The following AGMO variants were observed in gnomAD, a reference collection of about 807,000 sequenced individuals.
The protein encoded by AGMO is glyceryl-ether monooxygenase.
In AGMO, 75 loss-of-function variants were observed where a neutral mutation model predicts 60.2. The ratio of observed to expected loss-of-function variants is 1.25; its 90% confidence interval spans 1.03 to 1.51. The LOEUF is 1.51. AGMO is among the 40% of genes most tolerant of loss of function. AGMO has a pLI of 0.00. For missense variants in AGMO, 763 were observed against 525.5 expected, an observed-to-expected ratio of 1.45 and a Z score of -4.42; for synonymous variants, 261 against 177.1, an observed-to-expected ratio of 1.47 and a Z score of -3.76.
intron 3 of AGMO, among the ~76,000 whole-genome samples, chr7:15,500,729 G>C (rs1783360920): frequency 6.6e-6 from 1 of 151,832 alleles, no homozygotes; most frequent in Non-Finnish European, 1.5e-5. Flanking sequence ...TCTTCTGATA[G>C]CTTTGGGGTT....
chr7:15,358,238 T>C (rs1782617690), intron 12 of AGMO: 2 of 239,646 alleles, frequency 8.3e-6, no homozygotes, highest in South Asian at 4.6e-5. Flanking sequence ...TTAATATTTA[T>C]TGAATAGATC....
chr7:15,531,507 T>C (rs1583656040), intron 3 of AGMO, among the ~76,000 whole-genome samples: 1 of 76,142 alleles, frequency 1.3e-5, no homozygotes, highest in Non-Finnish European at 2.3e-5. Flanking sequence ...ATTCTATATA[T>C]ATTCTCTATA....
chr7:15,336,801 A>G (rs1399725115), intron 12 of AGMO, among the ~76,000 whole-genome samples: 1 of 152,216 alleles, frequency 6.6e-6, no homozygotes, highest in African/African-American at 2.4e-5. Flanking sequence ...GCATTTATTA[A>G]GTAATTACTT....
At chr7:15,535,332 G>T (rs1281664341) in intron 3 of AGMO, among the ~76,000 whole-genome samples, 1 of 151,782 alleles carries the variant, frequency 6.6e-6, no homozygotes, top group Non-Finnish European at 1.5e-5. Context: ...GAATGGGGGG[G>T]CATACTCTTT....
chr7:15,304,621 T>A (rs955305776), intron 12 of AGMO, among the ~76,000 whole-genome samples: 17 of 152,060 alleles, frequency 1.1e-4, no homozygotes, highest in Admixed American at 9.9e-4. Context: ...AGTCAAGGGT[T>A]CGGTTTATCT....
At chr7:15,431,748 C>T (rs1204000745) in intron 3 of AGMO, among the ~76,000 whole-genome samples, 1 of 151,748 alleles carries the variant, frequency 6.6e-6, no homozygotes, top group Non-Finnish European at 1.5e-5. Context: ...CTAAATTTTT[C>T]CACATAGTTT....
chr7:15,244,374 G>T (rs987817159), intron 12 of AGMO, among the ~76,000 whole-genome samples: 1 of 152,170 alleles, frequency 6.6e-6, no homozygotes, highest in East Asian at 1.9e-4. Context: ...CTCTAAAAAA[G>T]AGGCTATAGA....
chr7:15,444,247 T>A (rs529635823), intron 3 of AGMO, among the ~76,000 whole-genome samples: 1 of 152,306 alleles, frequency 6.6e-6, no homozygotes, highest in South Asian at 2.1e-4. Flanking sequence ...TACATGTATT[T>A]TTGTTAGCAA....
chr7:15,484,964 G>A (rs935979567), intron 3 of AGMO, among the ~76,000 whole-genome samples: 9 of 152,162 alleles, frequency 5.9e-5, no homozygotes, highest in African/African-American at 1.9e-4. Context: ...GGTTGAGTAG[G>A]AAGAAGTAAA....
At chr7:15,175,232 T>G in the AGMO span, among the ~76,000 whole-genome samples, 1 of 152,086 alleles carries the variant, frequency 6.6e-6, no homozygotes, top group East Asian at 1.9e-4. Context: ...TATCAATATA[T>G]TCTTCCATTT....
intron 3 of AGMO, among the ~76,000 whole-genome samples, chr7:15,494,666 A>G (rs983483345): frequency 6.6e-6 from 1 of 152,228 alleles, no homozygotes; most frequent in Non-Finnish European, 1.5e-5. Flanking sequence ...TTTGATAGTT[A>G]TGTCAATAAA....
chr7:15,309,851 A>C (rs1034584888), intron 12 of AGMO, among the ~76,000 whole-genome samples: 3 of 152,168 alleles, frequency 2.0e-5, no homozygotes, highest in African/African-American at 7.2e-5. Flanking sequence ...ATCTTTAATA[A>C]ATATGTTATC....
chr7:15,180,494 G>A, the AGMO span, among the ~76,000 whole-genome samples: 1 of 152,122 alleles, frequency 6.6e-6, no homozygotes, highest in African/African-American at 2.4e-5. Context: ...CTGGTGAGGT[G>A]TGAGACCTCA....
intron 12 of AGMO, among the ~76,000 whole-genome samples, chr7:15,355,046 CTAA>C (rs1173001183): frequency 6.6e-6 from 1 of 151,984 alleles, no homozygotes; most frequent in Non-Finnish European, 1.5e-5. Context: ...CCTGCACTCA[CTAA>C]CATAGTACCA....
chr7:15,314,044 C>T (rs983524154), intron 12 of AGMO, among the ~76,000 whole-genome samples: 3 of 152,002 alleles, frequency 2.0e-5, no homozygotes, highest in South Asian at 2.1e-4. Context: ...AGCTGCTTTC[C>T]GGTGATCCTG....
chr7:15,452,298 A>G (rs1428909167), intron 3 of AGMO, among the ~76,000 whole-genome samples: 4 of 152,172 alleles, frequency 2.6e-5, no homozygotes, highest in Non-Finnish European at 4.4e-5. Flanking sequence ...TTGAAAAAAC[A>G]ATCCACAGAA....
intron 12 of AGMO, among the ~76,000 whole-genome samples, chr7:15,255,835 T>C (rs10227108): frequency 0.031 from 4,785 of 152,232 alleles, 241 homozygotes; most frequent in African/African-American, 0.11. Context: ...AGGTGAATGT[T>C]TGAAATTGGC....
rs77443409 is a variant in AGMO, at chr7:15,403,672, T to C, written c.610-9493A>G. ...AAAATAGTTTCTTGTTCTGAATTAG[T>C]TGATCTTTAAACACTTATTGTTTTA... On this transcript the variant is annotated intron_variant, in intron 5 of 12. Transcript: ENST00000342526. Among the ~76,000 whole-genome samples the C allele has an allele frequency of 6.3e-3, 951 of 152,118 alleles. 7 individuals are homozygous for C. Among genetic ancestry groups the C allele is most frequent in the African/African-American group, 0.022 (896 of 41,558 alleles).
At chr7:15,156,995 C>A in the AGMO span, among the ~76,000 whole-genome samples, 1 of 152,154 alleles carries the variant, frequency 6.6e-6, no homozygotes, top group Admixed American at 6.6e-5. Context: ...ATTATTTTTT[C>A]TGGCCATTAA....
Sources: gnomAD v4.1 joint callset for allele counts (sites outside exome capture counted in the v4.1 genomes callset) on GRCh38, gnomAD v4.1.1 for gene constraint, MANE v1.5 for transcripts, NCBI Gene and HGNC (gene_info 2026-07-23, HGNC 2026-07-21) for gene names.